The following YPEL3 variants were observed in gnomAD, a reference collection of about 807,000 sequenced individuals.
The protein encoded by YPEL3 is yippee like 3, also known as protein yippee-like 3.
Under a neutral mutation model 17.5 loss-of-function variants are expected in YPEL3, and 5 were observed. That is an observed-to-expected ratio of 0.29 (90% CI 0.15 to 0.60). The LOEUF is 0.60. YPEL3 is among the 20% of genes least tolerant of loss of function. The pLI is 0.87. For synonymous variants in YPEL3, 87 were observed against 87.2 expected (o/e 1.00, Z 0.01); for missense variants, 155 against 211.4 (o/e 0.73, Z 1.65).
Position 30,095,567 on chromosome 16 carries a change from G to T in YPEL3, c.-85C>A. On this transcript the variant is annotated 5_prime_UTR_variant, in exon 1 of 4. Transcript: ENST00000398841. The surrounding 1 kb of genome is among the most constrained non-coding windows in gnomAD (Gnocchi z 5.4). ...CCCCAGAGCCAGCAGCCTCTCCGGG[G>T]ACCAGAGGCGTCTCGGTTTTGACTC... is the stretch of plus-strand genomic sequence containing the variant. The T allele has an allele frequency of 1.7e-6, 2 of 1,194,836 alleles. No homozygotes were observed. The highest frequency in any genetic ancestry group is 2.6e-5 in the East Asian group (1 of 38,788). The allele number at this position is 1,194,836 out of a possible 1,614,324, so 74.0% of individuals were successfully genotyped here. A position where few individuals can be genotyped will look rare whatever the true frequency, so the allele number is the denominator to read the frequency against.
chr16:30,094,808 G>T lies in YPEL3; in HGVS notation c.365C>A (p.Thr122Asn), dbSNP rs1437175032. The change falls in exon 3 of 4, where the codon ACC (threonine) becomes AAC (asparagine). Residue 122 changes from threonine to asparagine, a missense_variant. Physicochemically the swap from Thr to Asn is moderately conservative, Grantham distance 65. This residue lies in a region of YPEL3 where 74 missense variants were observed against 134.9 expected (regional missense o/e 0.55). Coordinates refer to ENST00000398841, the MANE Select transcript of YPEL3 (RefSeq NM_031477.5). ...VADIHCENCK[T>N]TLGWKYEQAF... ...ACTCACATATTTCCAGCCCAAAGTG[G>T]TCTTGCAGTTCTCGCAGTGGATGTC... is the stretch of plus-strand genomic sequence containing the variant. The T allele has an allele frequency of 6.2e-7, 1 of 1,614,154 alleles. No homozygotes were observed. Among genetic ancestry groups the T allele is most frequent in the Admixed American group, 1.7e-5 (1 of 60,030 alleles).
intron 3 of YPEL3, chr16:30,094,394 G>T (rs79480062): frequency 6.3e-5 from 13 of 205,004 alleles, no homozygotes; most frequent in Non-Finnish European, 1.3e-4. Context: ...CCAGTTGGGT[G>T]ATCTTGGGCA....
chr16:30,095,316 T>C lies in YPEL3; in HGVS notation c.167A>G (p.His56Arg), dbSNP rs1567346068. The C allele has an allele frequency of 1.2e-6, 2 of 1,614,218 alleles. No individual in the cohort carries two copies. The highest frequency in any genetic ancestry group is 1.7e-6 in the Non-Finnish European group (2 of 1,180,030). ...KTFQAYLDDC[H>R]RRYSCAHCRA... The stretch of plus-strand genomic sequence containing the variant: ...GCAGTGGGCACAGCTATACCTCCGG[T>C]GACAATCATCCAAGTAGGCCTGAAA... Residue 56 changes from histidine to arginine, a missense_variant, in exon 1 of 4, where the codon CAC becomes CGC. This residue lies in a region of YPEL3 where 74 missense variants were observed against 134.9 expected (regional missense o/e 0.55). Transcript: ENST00000398841. This position sits in a 1 kb window ranked among gnomAD's most constrained non-coding sequence, Gnocchi z 5.4.
rs1319954595 is a variant in YPEL3, at chr16:30,096,148, G to C, written c.-666C>G. ...CGCCGGGGTGGGCTGGCCTGGGAGT[G>C]GGGGGCGCTCCTGGCGGGCGCCGTC... On this transcript the variant is annotated 5_prime_UTR_variant, in exon 1 of 4. Transcript: ENST00000398841. 1 of 150,376 alleles carries C rather than the reference G, an allele frequency of 6.6e-6. No homozygotes were observed. Among genetic ancestry groups the C allele is most frequent in the Non-Finnish European group, 1.5e-5 (1 of 67,378 alleles). The allele number at this position is 150,376 out of a possible 1,614,324, so 9.3% of individuals were successfully genotyped here. A position where few individuals can be genotyped will look rare whatever the true frequency, so the allele number is the denominator to read the frequency against.
In YPEL3 at chr16:30,095,766, A is replaced by G; in HGVS notation, c.-284T>C. The G allele has an allele frequency of 2.2e-6, 1 of 453,784 alleles. No homozygotes were observed. Among genetic ancestry groups the G allele is most frequent in the Non-Finnish European group, 3.9e-6 (1 of 255,044 alleles). 28.1% of individuals were successfully genotyped at this position (453,784 alleles called of 1,614,324 possible). A position where few individuals can be genotyped will look rare whatever the true frequency, so the allele number is the denominator to read the frequency against. On this transcript the variant is annotated 5_prime_UTR_variant, in exon 1 of 4. Transcript: ENST00000398841. The surrounding 1 kb of genome is among the most constrained non-coding windows in gnomAD (Gnocchi z 5.4). ...CAGTTTCGGGGGAGCATGGGCGGGT[A>G]GGCACTGGTTGGTCCTTGCGACCTC...
rs762631841 is a variant in YPEL3, at chr16:30,095,513, C to A, written c.-31G>T. ...GCACTCCCAGAGCCGTGGGGACTCG[C>A]TCTGTCACACTGGGCTGCTCTCTCC... On this transcript the variant is annotated 5_prime_UTR_variant, in exon 1 of 4. Transcript: ENST00000398841. The surrounding 1 kb of genome is among the most constrained non-coding windows in gnomAD (Gnocchi z 5.4). The A allele has an allele frequency of 4.8e-6, 7 of 1,451,696 alleles. No homozygotes were observed. The African/African-American group carries it at 8.6e-5, about 18-fold the overall frequency. 89.9% of individuals were successfully genotyped at this position (1,451,696 alleles called of 1,614,324 possible). A position where few individuals can be genotyped will look rare whatever the true frequency, so the allele number is the denominator to read the frequency against.
chr16:30,093,743 A>ATTTTTTTT (rs1209936876), intron 3 of YPEL3: 5 of 131,344 alleles, frequency 3.8e-5, no homozygotes, highest in Admixed American at 7.7e-5. Context: ...CACCCAGCTG[A>ATTTTTTTT]TTTTTTTTTT....
Position 30,092,763 on chromosome 16 carries a change from C to T in YPEL3, c.421G>A (p.Gly141Arg). 1.9e-6 allele frequency: 3 copies of T among 1,614,158 alleles called. No homozygotes were observed. The highest frequency in any genetic ancestry group is 2.5e-6 in the Non-Finnish European group (3 of 1,180,014). Residue 141 changes from glycine (G) to arginine (R), a missense_variant, in exon 4 of 4, where the codon GGG (glycine) becomes AGG (arginine). By Grantham distance (125) the Gly-to-Arg change is moderately radical (BLOSUM62 -2). Coordinates refer to ENST00000398841, the MANE Select transcript of YPEL3 (RefSeq NM_031477.5). Reference protein sequence around the residue: ...AFESSQKYKEGKYIIELNHMI... With the variant: ...AFESSQKYKERKYIIELNHMI... Reference sequence around the variant, plus strand: ...TGGTTGAGTTCAATGATGTACTTCCCCTCTTTGTACTTCTGGCTGCTCTCA... The same window carrying T: ...TGGTTGAGTTCAATGATGTACTTCCTCTCTTTGTACTTCTGGCTGCTCTCA...
At position 30,095,032 on chromosome 16, in the gene YPEL3, T is replaced by A; in HGVS notation, c.275+71A>T. On this transcript the variant is annotated intron_variant, in intron 2 of 3. Transcript: ENST00000398841. This position sits in a 1 kb window ranked among gnomAD's most constrained non-coding sequence, Gnocchi z 5.4. ...CCTGCACCGGGGAACTCTGGGAGTCTCAGCAGGATGCCAGGGGTCACAGGT... is the reference window on the plus strand; with the variant it reads ...CCTGCACCGGGGAACTCTGGGAGTCACAGCAGGATGCCAGGGGTCACAGGT... The A allele has an allele frequency of 3.7e-6, 6 of 1,608,890 alleles. No homozygotes were observed. Among genetic ancestry groups the A allele is most frequent in the Non-Finnish European group, 5.1e-6 (6 of 1,176,110 alleles).
In YPEL3 at chr16:30,095,502, G is replaced by T. The variant is rs559220563; in HGVS notation, c.-20C>A. On this transcript the variant is annotated 5_prime_UTR_variant, in exon 1 of 4. Coordinates refer to ENST00000398841, the MANE Select transcript of YPEL3 (RefSeq NM_031477.5). The surrounding 1 kb of genome is among the most constrained non-coding windows in gnomAD (Gnocchi z 5.4). ...ACACATGCGAGGCACTCCCAGAGCC[G>T]TGGGGACTCGCTCTGTCACACTGGG... 1.4e-6 allele frequency: 2 copies of T among 1,472,904 alleles called. No individual in the cohort carries two copies. The highest frequency in any genetic ancestry group is 2.8e-5 in the African/African-American group (2 of 70,632). The allele number at this position is 1,472,904 out of a possible 1,614,324, so 91.2% of individuals were successfully genotyped here. A position where few individuals can be genotyped will look rare whatever the true frequency, so the allele number is the denominator to read the frequency against.
Position 30,095,163 on chromosome 16 carries a change from TG to T in YPEL3, c.232-18del. ...CTGGAAGGACTAAAGGGTGAGAGGG[TG>T]GGAAGAGAGGAGGGGGTCAGGGCTG... On this transcript the variant is annotated intron_variant, in intron 1 of 3. Coordinates refer to ENST00000398841, the MANE Select transcript of YPEL3 (RefSeq NM_031477.5). The surrounding 1 kb of genome is among the most constrained non-coding windows in gnomAD (Gnocchi z 5.4). 6.2e-7 allele frequency: 1 copy of T among 1,612,622 alleles called. No homozygotes were observed. The highest frequency in any genetic ancestry group is 8.5e-7 in the Non-Finnish European group (1 of 1,179,332).
Position 30,092,456 on chromosome 16 carries a change from T to C in YPEL3, c.*254A>G, listed in dbSNP as rs1007249586. The C allele has an allele frequency of 9.4e-6, 5 of 531,284 alleles. No individual in the cohort carries two copies. Among genetic ancestry groups the C allele is most frequent in the African/African-American group, 5.7e-5 (3 of 52,580 alleles). The allele number at this position is 531,284 out of a possible 1,614,324, so 32.9% of individuals were successfully genotyped here. On this transcript the variant is annotated 3_prime_UTR_variant, in exon 4 of 4. Coordinates refer to ENST00000398841, the MANE Select transcript of YPEL3 (RefSeq NM_031477.5). ...AGGAGAGCAGAACACAGGCCATAAC[T>C]ATAGGGCAGGTGGGGCAGGAACGGG...
rs2072741590 is a variant in YPEL3, at chr16:30,092,483, TAAA to T, written c.*224_*226del. On this transcript the variant is annotated 3_prime_UTR_variant, in exon 4 of 4. Transcript: ENST00000398841. ...TAGGGCAGGTGGGGCAGGAACGGGT[TAAA>T]AACGAGATCCAAGCCAGCCAGATCG... is the stretch of plus-strand genomic sequence containing the variant. 1 of 556,758 alleles carries T rather than the reference TAAA, an allele frequency of 1.8e-6. No homozygotes were observed. The allele number at this position is 556,758 out of a possible 1,614,324, so 34.5% of individuals were successfully genotyped here. A position where few individuals can be genotyped will look rare whatever the true frequency, so the allele number is the denominator to read the frequency against.
Position 30,092,594 on chromosome 16 carries a change from G to T in YPEL3, c.*116C>A. On this transcript the variant is annotated 3_prime_UTR_variant, in exon 4 of 4. Coordinates refer to ENST00000398841, the MANE Select transcript of YPEL3 (RefSeq NM_031477.5). ...CAATAAAATATATATACAGGAGCTAGATCCGTCCTCTGCAGGGGCTCTGAG... is the reference window on the plus strand; with the variant it reads ...CAATAAAATATATATACAGGAGCTATATCCGTCCTCTGCAGGGGCTCTGAG... The T allele has an allele frequency of 1.1e-6, 1 of 902,610 alleles. No individual in the cohort carries two copies. Among genetic ancestry groups the T allele is most frequent in the Non-Finnish European group, 1.8e-6 (1 of 561,454 alleles). 55.9% of individuals were successfully genotyped at this position (902,610 alleles called of 1,614,324 possible). A position where few individuals can be genotyped will look rare whatever the true frequency, so the allele number is the denominator to read the frequency against.
intron 3 of YPEL3, chr16:30,094,406 G>A (rs2072771078): frequency 4.8e-6 from 1 of 210,020 alleles, no homozygotes. Context: ...TCTTGGGCAA[G>A]TTACCTAACA....
rs538277508 is a variant in YPEL3 at position 30,095,171 on chromosome 16, G to A, written c.232-25C>T. ...ACTAAAGGGTGAGAGGGTGGGAAGAGAGGAGGGGGTCAGGGCTGCCGGTGG... is the reference window on the plus strand; with the variant it reads ...ACTAAAGGGTGAGAGGGTGGGAAGAAAGGAGGGGGTCAGGGCTGCCGGTGG... On this transcript the variant is annotated intron_variant, in intron 1 of 3. Coordinates refer to ENST00000398841, the MANE Select transcript of YPEL3 (RefSeq NM_031477.5). The surrounding 1 kb of genome is among the most constrained non-coding windows in gnomAD (Gnocchi z 5.4). 9 of 1,614,160 alleles carry A rather than the reference G, an allele frequency of 5.6e-6. No homozygotes were observed. In the South Asian group the frequency reaches 8.8e-5, roughly 16 times the overall value.
rs1455663230 is a variant in YPEL3 at position 30,094,899 on chromosome 16, TG to T, written c.276-3del. On this transcript the variant is annotated splice_region_variant and splice_polypyrimidine_tract_variant and intron_variant, in intron 2 of 3. Coordinates refer to ENST00000398841, the MANE Select transcript of YPEL3 (RefSeq NM_031477.5). ...GCTGGCCCGCAGCCCACGTTCACCC[TG>T]TGGGGACATGGGGTAGTCCCAGGGA... is the stretch of plus-strand genomic sequence containing the variant. 1.2e-6 allele frequency: 2 copies of T among 1,611,210 alleles called. No individual in the cohort carries two copies. Among genetic ancestry groups the T allele is most frequent in the Non-Finnish European group, 1.7e-6 (2 of 1,178,412 alleles).
At position 30,096,126 on chromosome 16, in the gene YPEL3, C is replaced by T. The variant is rs1255468314; in HGVS notation, c.-644G>A. On this transcript the variant is annotated 5_prime_UTR_variant, in exon 1 of 4. Coordinates refer to ENST00000398841, the MANE Select transcript of YPEL3 (RefSeq NM_031477.5). ...CCTGGGCGCGCGGGGCCCGGTCCGCCGGGGTGGGCTGGCCTGGGAGTGGGG... is the reference window on the plus strand; with the variant it reads ...CCTGGGCGCGCGGGGCCCGGTCCGCTGGGGTGGGCTGGCCTGGGAGTGGGG... The T allele has an allele frequency of 7.6e-6, 1 of 131,760 alleles. No individual in the cohort carries two copies. The highest frequency in any genetic ancestry group is 2.9e-5 in the African/African-American group (1 of 34,674). The allele number at this position is 131,760 out of a possible 1,614,324, so 8.2% of individuals were successfully genotyped here.
Position 30,095,314 on chromosome 16 carries a change from G to T in YPEL3, c.169C>A (p.Arg57=). The change falls in exon 1 of 4, where the codon CGG becomes AGG. Residue 57 remains arginine (R), a synonymous_variant. Coordinates refer to ENST00000398841, the MANE Select transcript of YPEL3 (RefSeq NM_031477.5). The surrounding 1 kb of genome is among the most constrained non-coding windows in gnomAD (Gnocchi z 5.4). ...TFQAYLDDCH[R]RYSCAHCRAH... is the part of the protein sequence containing the mutation. ...CGGCAGTGGGCACAGCTATACCTCC[G>T]GTGACAATCATCCAAGTAGGCCTGA... The T allele has an allele frequency of 1.2e-6, 2 of 1,614,210 alleles. No homozygotes were observed. Among genetic ancestry groups the T allele is most frequent in the South Asian group, 1.1e-5 (1 of 91,086 alleles).
Sources: gnomAD v4.1 joint callset for allele counts on GRCh38, gnomAD v4.1.1 for gene constraint, gnomAD v4.1.1 regional missense constraint, Gnocchi (gnomAD v3.1) non-coding constraint, MANE v1.5 for transcripts, NCBI Gene and HGNC (gene_info 2026-07-23, HGNC 2026-07-21) for gene names.